Variants in TAF5L observed in about 807,000 individuals in gnomAD.
The protein encoded by TAF5L is TAF5-like RNA polymerase II p300/CBP-associated factor-associated factor 65 kDa subunit 5L.
In TAF5L, 7 loss-of-function variants were observed where a neutral mutation model predicts 51.3. That is an observed-to-expected ratio of 0.14 (90% CI 0.08 to 0.26). The LOEUF (loss-of-function observed/expected upper bound fraction) is 0.26. Ranked by LOEUF, TAF5L falls within the 10% of genes least tolerant of loss-of-function variation. The probability of loss-of-function intolerance (pLI) is 1.00; values close to 1 mark genes in which losing one functional copy is unlikely to be tolerated. For synonymous variants in TAF5L, 291 were observed against 308.1 expected, an observed-to-expected ratio of 0.94 and a Z score of 0.58; for missense variants, 575 against 758.9, an observed-to-expected ratio of 0.76 and a Z score of 2.85.
At chr1:229,622,879 G>C (rs1352658365) in intron 1 of TAF5L, among the ~76,000 whole-genome samples, 1 of 152,150 alleles carries the variant, frequency 6.6e-6, no homozygotes, top group Non-Finnish European at 1.5e-5. Context: ...TGGGATTATC[G>C]GCATGAGCCA....
chr1:229,600,850 T>C (rs1370004771), intron 4 of TAF5L: 1 of 984,616 alleles, frequency 1.0e-6, no homozygotes, highest in African/African-American at 1.7e-5. Flanking sequence ...TTCTTTAATA[T>C]TAATTTTTAA....
At chr1:229,611,380 G>A (rs556804307) in intron 2 of TAF5L, among the ~76,000 whole-genome samples, 6 of 152,268 alleles carry the variant, frequency 3.9e-5, no homozygotes, top group Admixed American at 6.5e-5. Flanking sequence ...ACCTTTAACC[G>A]CGTCCTGAAT....
At position 229,625,598 on chromosome 1, in the gene TAF5L, C is replaced by A. The variant is rs533702774; in HGVS notation, c.-4+287G>T. On this transcript the variant is annotated intron_variant, in intron 1 of 4. Coordinates refer to ENST00000258281, the Ensembl canonical transcript of TAF5L. This position sits in a 1 kb window ranked among gnomAD's most constrained non-coding sequence, Gnocchi z 4.0. The stretch of plus-strand genomic sequence containing the variant: ...CCGGCATCCAACCCGCAGGACCCAC[C>A]CCTGCGCAGGAACGCGACGCCAGTC... Among the ~76,000 whole-genome samples, 12 of 152,012 alleles carry A rather than the reference C, an allele frequency of 7.9e-5. No individual in the cohort carries two copies. The East Asian group carries it at 2.3e-3, about 30-fold the overall frequency.
chr1:229,601,526 T>C (rs1356898279), intron 4 of TAF5L: 1 of 985,338 alleles, frequency 1.0e-6, no homozygotes, highest in African/African-American at 1.7e-5. Context: ...CCTGCCCTTT[T>C]CAATGACTGT....
At chr1:229,608,080 G>A (rs927326220) in intron 3 of TAF5L, among the ~76,000 whole-genome samples, 2 of 152,238 alleles carry the variant, frequency 1.3e-5, no homozygotes, top group East Asian at 1.9e-4. Context: ...AATGGTAAAC[G>A]ACGAGTATAC....
intron 3 of TAF5L, among the ~76,000 whole-genome samples, chr1:229,604,622 G>A (rs764982023): frequency 2.0e-5 from 3 of 152,094 alleles, no homozygotes; most frequent in East Asian, 1.9e-4. Context: ...GATTACAGTC[G>A]ATAAAAATGA....
intron 3 of TAF5L, chr1:229,607,218 C>A: frequency 1.0e-6 from 1 of 985,402 alleles, no homozygotes; most frequent in Non-Finnish European, 1.2e-6. Flanking sequence ...CTTGGAGATT[C>A]CACCTTGGTA....
At chr1:229,611,524 G>T (rs546194991) in intron 2 of TAF5L, among the ~76,000 whole-genome samples, 172 of 152,298 alleles carry the variant, frequency 1.1e-3, no homozygotes, top group African/African-American at 4.0e-3. Context: ...TACTCCAGGA[G>T]AAGGAAGAGA....
Position 229,598,096 on chromosome 1 carries a change from C to T in TAF5L, c.973-3002G>A, listed in dbSNP as rs148931536. Among the ~76,000 whole-genome samples, 1,031 of 152,322 alleles carry T rather than the reference C, an allele frequency of 6.8e-3. 13 individuals are homozygous for T. The highest frequency in any genetic ancestry group is 0.023 in the African/African-American group (973 of 41,576). ...CTGCTATCTACGTGGGAGATGACAG[C>T]AGCCTGAACTAGAACAGAAAAGTTG... On this transcript the variant is annotated intron_variant, in intron 4 of 4. Transcript: ENST00000258281.
chr1:229,618,570 C>G (rs893904921), intron 1 of TAF5L, among the ~76,000 whole-genome samples: 7 of 152,200 alleles, frequency 4.6e-5, no homozygotes, highest in Admixed American at 1.3e-4. Context: ...ATATAAAATC[C>G]CACATGATCA....
chr1:229,602,228 G>A lies in TAF5L; in HGVS notation c.939C>T (p.Arg313=). 1 of 1,614,096 alleles carries A rather than the reference G, an allele frequency of 6.2e-7. No homozygotes were observed. The highest frequency in any genetic ancestry group is 8.5e-7 in the Non-Finnish European group (1 of 1,179,938). The change falls in exon 4 of 5, where the codon CGC becomes CGT. Residue 313 remains arginine, a synonymous_variant. Coordinates refer to ENST00000258281, the Ensembl canonical transcript of TAF5L. This position sits in a 1 kb window ranked among gnomAD's most constrained non-coding sequence, Gnocchi z 4.6. ...CCAGAATATCACAAGCCAAATGGAT[G>A]CGGGACACGTCTACTTGGTGGGGCT...
intron 4 of TAF5L, among the ~76,000 whole-genome samples, chr1:229,598,485 C>T (rs1558144216): frequency 6.6e-6 from 1 of 151,996 alleles, no homozygotes; most frequent in Admixed American, 6.6e-5. Context: ...GGGGCAAAAC[C>T]ACCAGACATA....
intron 1 of TAF5L, among the ~76,000 whole-genome samples, chr1:229,615,078 TATTTC>T (rs1182051027): frequency 2.0e-5 from 3 of 152,238 alleles, no homozygotes; most frequent in African/African-American, 4.8e-5. Flanking sequence ...CATTTTATTT[TATTTC>T]ATTTTATTTA....
intron 4 of TAF5L, among the ~76,000 whole-genome samples, chr1:229,598,501 G>A (rs994142782): frequency 2.0e-5 from 3 of 152,114 alleles, no homozygotes; most frequent in Admixed American, 2.0e-4. Flanking sequence ...ACATATAAAT[G>A]AATTGCACAC....
intron 1 of TAF5L, among the ~76,000 whole-genome samples, chr1:229,616,921 T>C (rs1406358151): frequency 6.6e-6 from 1 of 152,208 alleles, no homozygotes; most frequent in Non-Finnish European, 1.5e-5. Flanking sequence ...AGGTGTGTGA[T>C]TGTTAAAAAG....
At position 229,604,891 on chromosome 1, in the gene TAF5L, T is replaced by G. The variant is rs144823043; in HGVS notation, c.248-1972A>C. 3.8e-3 allele frequency among the ~76,000 whole-genome samples: 573 copies of G among 152,294 alleles called. 4 individuals are homozygous for G. The highest frequency in any genetic ancestry group is 0.013 in the African/African-American group (554 of 41,562). On this transcript the variant is annotated intron_variant, in intron 3 of 4. Transcript: ENST00000258281. ...TATATAGATATATAAAAAGAAAATA[T>G]CTTCGCATTCTTTCCTTTCTCGTTC...
chr1:229,598,742 A>AG lies in TAF5L; in HGVS notation c.972+3452dup, dbSNP rs1664230169. Among the ~76,000 whole-genome samples the AG allele has an allele frequency of 6.2e-5, 9 of 145,450 alleles. No homozygotes were observed. The South Asian group carries it at 1.9e-3, about 31-fold the overall frequency. ...GAGACAGAATCTCACTCTATCGCCC[A>AG]GGCTGGAGTGCAGTGGCGCGGTCTC... On this transcript the variant is annotated intron_variant, in intron 4 of 4. Coordinates refer to ENST00000258281, the Ensembl canonical transcript of TAF5L.
intron 3 of TAF5L, among the ~76,000 whole-genome samples, chr1:229,605,423 T>C (rs1178464416): frequency 1.3e-5 from 2 of 152,166 alleles, no homozygotes. Context: ...ATAATTTTAT[T>C]AGGTTAGGTG....
chr1:229,599,863 T>C (rs1428359436), intron 4 of TAF5L: 1 of 985,368 alleles, frequency 1.0e-6, no homozygotes, highest in Admixed American at 6.1e-5. Context: ...CACTGATTTA[T>C]GTAATAGTTA....
Sources: allele counts gnomAD v4.1 joint callset (sites outside exome capture counted in the v4.1 genomes callset), GRCh38; gene constraint gnomAD v4.1.1; non-coding constraint Gnocchi (gnomAD v3.1); transcripts MANE v1.5; gene names NCBI Gene and HGNC (gene_info 2026-07-23, HGNC 2026-07-21).